CCDC201: variants seen among roughly 807,000 people sequenced by gnomAD.
CCDC201 encodes coiled-coil domain-containing protein 201.
chr7:45,880,231 T>A, the CCDC201 span, among the ~76,000 whole-genome samples: 1 of 152,288 alleles, frequency 6.6e-6, no homozygotes, highest in East Asian at 1.9e-4. Context: ...TTTATTATTT[T>A]ATTATTTTAA....
upstream of CCDC201, among the ~76,000 whole-genome samples, chr7:45,875,691 A>C (rs544080809): frequency 6.6e-6 from 1 of 152,314 alleles, no homozygotes; most frequent in East Asian, 1.9e-4. Flanking sequence ...AGCAGAAGGG[A>C]GAGGCTTGTG....
the CCDC201 span, among the ~76,000 whole-genome samples, chr7:45,879,446 T>C: frequency 6.6e-6 from 1 of 152,202 alleles, no homozygotes; most frequent in African/African-American, 2.4e-5. Context: ...AGAGGTTTAA[T>C]CTCTTCATGG....
chr7:45,874,343 C>T (rs1786776317), upstream of CCDC201, among the ~76,000 whole-genome samples: 1 of 152,178 alleles, frequency 6.6e-6, no homozygotes, highest in South Asian at 2.1e-4. Flanking sequence ...TGCTTTTTAT[C>T]CCTTGCTACT....
chr7:45,870,972 G>T (rs1786736374), intron 1 of CCDC201, among the ~76,000 whole-genome samples: 1 of 152,154 alleles, frequency 6.6e-6, no homozygotes, highest in Non-Finnish European at 1.5e-5. Context: ...AACAGAAACT[G>T]CAAGGTAACA....
intron 1 of CCDC201, among the ~76,000 whole-genome samples, chr7:45,869,267 T>C (rs796086603): frequency 3.3e-5 from 5 of 152,342 alleles, no homozygotes; most frequent in African/African-American, 9.6e-5. Context: ...TGCTGGAACA[T>C]TAAAATCTGT....
chr7:45,881,609 GTCT>G, the CCDC201 span, among the ~76,000 whole-genome samples: 1 of 152,192 alleles, frequency 6.6e-6, no homozygotes, highest in African/African-American at 2.4e-5. Flanking sequence ...ATTAGGAGGG[GTCT>G]GTCACCTGAG....
At chr7:45,861,944 C>G (rs1786607304) in exon 3 of CCDC201, 1 of 152,264 alleles carries the variant, frequency 6.6e-6, no homozygotes, top group South Asian at 2.1e-4. Context: ...CATGTCCACA[C>G]AAACAGGTCT....
At chr7:45,877,200 A>G (rs961966120), upstream of CCDC201, among the ~76,000 whole-genome samples, 1 of 152,174 alleles carries the variant, frequency 6.6e-6, no homozygotes, top group Non-Finnish European at 1.5e-5. Flanking sequence ...TCTTCTACCC[A>G]CATTGTTACA....
chr7:45,872,781 C>T (rs971529234), intron 1 of CCDC201, among the ~76,000 whole-genome samples: 1 of 152,184 alleles, frequency 6.6e-6, no homozygotes, highest in African/African-American at 2.4e-5. Flanking sequence ...CCGAGGACCC[C>T]AGGGTGTTAG....
At chr7:45,873,681 T>C (rs116771500), upstream of CCDC201, among the ~76,000 whole-genome samples, 247 of 152,308 alleles carry the variant, frequency 1.6e-3, 1 homozygote, top group African/African-American at 5.4e-3. Flanking sequence ...AGGCAACACG[T>C]GCCACAGAGT....
chr7:45,867,558 C>T (rs1237549071), intron 1 of CCDC201, among the ~76,000 whole-genome samples: 3 of 152,132 alleles, frequency 2.0e-5, no homozygotes, highest in Admixed American at 6.5e-5. Flanking sequence ...CTGCCAATAC[C>T]GTATAATTAG....
At position 45,866,089 on chromosome 7, in the gene CCDC201, TC is replaced by T; in HGVS notation, c.423del (p.Ile142SerfsTer2). 1 of 179,004 alleles carries T rather than the reference TC, an allele frequency of 5.6e-6. No individual in the cohort carries two copies. Among genetic ancestry groups the T allele is most frequent in the South Asian group, 1.1e-4 (1 of 9,446 alleles). 11.1% of individuals were successfully genotyped at this position (179,004 alleles called of 1,614,324 possible). On this transcript the variant is annotated frameshift_variant, in exon 2 of 3. Transcript: ENST00000636578. LOFTEE classifies it high-confidence loss of function. ...CTCTTCCTCCCTGTTGTGTTCAGGA[TC>T]CCAGGCAATCCAGGGTTTTGTGCCC...
chr7:45,882,359 TG>T, the CCDC201 span, among the ~76,000 whole-genome samples: 3 of 152,212 alleles, frequency 2.0e-5, no homozygotes, highest in Non-Finnish European at 4.4e-5. Context: ...AGTGCTTTCT[TG>T]TACCAGGCAA....
upstream of CCDC201, among the ~76,000 whole-genome samples, chr7:45,874,830 A>G (rs1004067295): frequency 6.6e-6 from 1 of 152,190 alleles, no homozygotes; most frequent in African/African-American, 2.4e-5. Context: ...GCCTTTCTGG[A>G]GTGCAAGTTG....
intron 1 of CCDC201, among the ~76,000 whole-genome samples, chr7:45,868,323 A>C (rs2116521376): frequency 6.6e-6 from 1 of 152,296 alleles, no homozygotes; most frequent in South Asian, 2.1e-4. Flanking sequence ...AGTAGGCCAA[A>C]AGAGCACAGC....
At chr7:45,860,642 C>T (rs896199443) in exon 3 of CCDC201, 7 of 152,284 alleles carry the variant, frequency 4.6e-5, no homozygotes, top group Middle Eastern at 3.4e-3. Context: ...CTCATTTCTC[C>T]GTGTCCCTCA....
chr7:45,878,567 A>G, the CCDC201 span, among the ~76,000 whole-genome samples: 1 of 152,266 alleles, frequency 6.6e-6, no homozygotes, highest in Non-Finnish European at 1.5e-5. Flanking sequence ...CAATGGCCTG[A>G]GCAGTACCTT....
In CCDC201 at chr7:45,868,883, T is replaced by C. The variant is rs111766235; in HGVS notation, c.19-2389A>G. ...TCCAGTTGAAAGTCCAGTCTTAACC[T>C]TTCTCTAGTCCTTCTCCCTCTAGGT... On this transcript the variant is annotated intron_variant, in intron 1 of 2. Transcript: ENST00000636578. Among the ~76,000 whole-genome samples, 603 of 152,346 alleles carry C rather than the reference T, an allele frequency of 4.0e-3. 4 individuals carry two copies. Among genetic ancestry groups the C allele is most frequent in the African/African-American group, 0.014 (571 of 41,578 alleles).
intron 2 of CCDC201, among the ~76,000 whole-genome samples, chr7:45,863,669 G>A (rs1420354357): frequency 3.3e-5 from 5 of 152,172 alleles, no homozygotes; most frequent in Admixed American, 6.5e-5. Context: ...CACTAAACAC[G>A]ATGCCAGGAT....
Sources: allele counts gnomAD v4.1 joint callset (sites outside exome capture counted in the v4.1 genomes callset), GRCh38; gene constraint gnomAD v4.1.1; transcripts MANE v1.5; gene names NCBI Gene and HGNC (gene_info 2026-07-23, HGNC 2026-07-21).